Variants in ZFP64 observed in about 807,000 individuals in gnomAD.
ZFP64 encodes ZFP64 zinc finger protein.
A neutral mutation model predicts 51.6 loss-of-function variants in ZFP64; 14 were observed. That is an observed-to-expected ratio of 0.27 (90% CI 0.18 to 0.42). The LOEUF is 0.42. ZFP64 is among the 10% of genes least tolerant of loss of function. The pLI is 1.00. For synonymous variants in ZFP64, 375 were observed against 361.4 expected (o/e 1.04, Z -0.43); for missense variants, 754 against 906.8 (o/e 0.83, Z 2.16).
chr20:52,097,790 T>C (rs536185899), intron 6 of ZFP64, among the ~76,000 whole-genome samples: 116 of 152,176 alleles, frequency 7.6e-4, no homozygotes, highest in Admixed American at 5.9e-3. Flanking sequence ...AGAACCTCAG[T>C]TGAGTGTGGT....
chr20:52,160,303 G>A lies in ZFP64; in HGVS notation c.583C>T (p.Arg195Trp), dbSNP rs775076590. The A allele has an allele frequency of 7.4e-6, 12 of 1,614,082 alleles. No homozygotes were observed. The highest frequency in any genetic ancestry group is 2.7e-5 in the African/African-American group (2 of 74,926). The change falls in exon 5 of 6, where the codon CGG (arginine) becomes TGG (tryptophan). Residue 195 changes from arginine (R) to tryptophan (W), a missense_variant. Around this residue, in one of 3 missense-constraint regions of ZFP64, gnomAD observed 231 missense variants for 336.7 expected, o/e 0.69. Coordinates refer to ENST00000216923, the MANE Select transcript of ZFP64 (RefSeq NM_018197.3). The surrounding 1 kb of genome is among the most constrained non-coding windows in gnomAD (Gnocchi z 4.2). The stretch of plus-strand genomic sequence containing the variant: ...TAGGGCTTCACGCCCGTGTGGCACC[G>A]CATGTGAGTTTTCAGCTTGTCTTTC... ...SRKDKLKTHM[R>W]CHTGVKPYKC... is the part of the protein sequence containing the mutation.
intron 2 of ZFP64, among the ~76,000 whole-genome samples, chr20:52,172,039 G>A (rs529776877): frequency 1.3e-5 from 2 of 152,146 alleles, no homozygotes; most frequent in Non-Finnish European, 2.9e-5. Flanking sequence ...GAGCCACCGC[G>A]CCCGACCAAC....
intron 5 of ZFP64, among the ~76,000 whole-genome samples, chr20:52,104,295 G>A (rs565594181): frequency 1.3e-5 from 2 of 152,296 alleles, no homozygotes; most frequent in African/African-American, 4.8e-5. Context: ...AGCGAGAAAA[G>A]GTCCCCTCCC....
intron 5 of ZFP64, among the ~76,000 whole-genome samples, chr20:52,158,112 T>A (rs1378476422): frequency 3.3e-5 from 5 of 152,238 alleles, no homozygotes; most frequent in Non-Finnish European, 5.9e-5. Flanking sequence ...CTATTGTGAA[T>A]ACTGCTGCAA....
chr20:52,161,004 G>A (rs1339020710), intron 4 of ZFP64, among the ~76,000 whole-genome samples: 1 of 151,982 alleles, frequency 6.6e-6, no homozygotes, highest in Non-Finnish European at 1.5e-5. Flanking sequence ...GAGTGAGCAG[G>A]TGAGGGCAGG....
In ZFP64 at chr20:52,120,098, C is replaced by T. The variant is rs143731045; in HGVS notation, c.764-21511G>A. ...CCCTTATAAAAGAGGCATCAGAGAG[C>T]TGCCTTCCCCTTCCACCATGTGTGG... is the stretch of plus-strand genomic sequence containing the variant. On this transcript the variant is annotated intron_variant, in intron 5 of 8. Coordinates refer to the ZFP64 transcript ENST00000361387. 6.0e-4 allele frequency among the ~76,000 whole-genome samples: 92 copies of T among 152,244 alleles called. 1 individual carries two copies. Among genetic ancestry groups the T allele is most frequent in the African/African-American group, 2.1e-3 (87 of 41,560 alleles).
At chr20:52,084,518 G>A in exon 9 of ZFP64, 3 of 1,575,584 alleles carry the variant, frequency 1.9e-6, no homozygotes, top group Non-Finnish European at 2.6e-6. Flanking sequence ...AACAGCACTG[G>A]TCAGAAGTTC....
At chr20:52,097,952 C>G (rs917594414) in intron 6 of ZFP64, among the ~76,000 whole-genome samples, 1 of 151,898 alleles carries the variant, frequency 6.6e-6, no homozygotes, top group Non-Finnish European at 1.5e-5. Context: ...CCTGTAGTCC[C>G]AACTACTCAG....
At chr20:52,169,841 G>T (rs1340113589) in intron 2 of ZFP64, among the ~76,000 whole-genome samples, 1 of 152,098 alleles carries the variant, frequency 6.6e-6, no homozygotes, top group Admixed American at 6.5e-5. Flanking sequence ...ATCACCCGAG[G>T]TCGGGAGTTT....
chr20:52,112,675 C>T (rs948465437), intron 5 of ZFP64, among the ~76,000 whole-genome samples: 5 of 150,902 alleles, frequency 3.3e-5, no homozygotes, highest in African/African-American at 9.7e-5. Flanking sequence ...AGTGCAGTGG[C>T]GTGATGTTGG....
chr20:52,097,396 T>G, exon 7 of ZFP64: 1 of 1,612,420 alleles, frequency 6.2e-7, no homozygotes, highest in Non-Finnish European at 8.5e-7. Flanking sequence ...GAGATGGCGG[T>G]CCAAGTCTTT....
chr20:52,092,595 A>G (rs959900979), intron 7 of ZFP64, among the ~76,000 whole-genome samples: 2 of 152,224 alleles, frequency 1.3e-5, no homozygotes, highest in Non-Finnish European at 2.9e-5. Flanking sequence ...CACACCTGCA[A>G]TCCCAACACT....
At chr20:52,105,343 C>T (rs558351508) in intron 5 of ZFP64, 6 of 1,246,640 alleles carry the variant, frequency 4.8e-6, no homozygotes, top group South Asian at 3.7e-5. Context: ...GCGCATGTCC[C>T]GGCAATTCTG....
intron 5 of ZFP64, among the ~76,000 whole-genome samples, chr20:52,113,592 C>CTTT (rs61331317): frequency 0.33 from 41,381 of 126,358 alleles, 7,712 homozygotes; most frequent in Non-Finnish European, 0.41. Context: ...CCATACCTGG[C>CTTT]TTTTTTTTTT....
At chr20:52,093,745 ACT>A (rs1406341433) in intron 7 of ZFP64, among the ~76,000 whole-genome samples, 1 of 152,114 alleles carries the variant, frequency 6.6e-6, no homozygotes, top group Non-Finnish European at 1.5e-5. Flanking sequence ...CTTCTCTGGG[ACT>A]ACTGTGCATA....
intron 5 of ZFP64, chr20:52,104,925 G>A (rs891590720): frequency 3.0e-6 from 2 of 670,686 alleles, no homozygotes; most frequent in Non-Finnish European, 5.2e-6. Flanking sequence ...GAGGAATCCA[G>A]GCGGGGAAGG....
Position 52,151,393 on chromosome 20 carries a change from A to C in ZFP64, c.*753T>G. On this transcript the variant is annotated 3_prime_UTR_variant, in exon 6 of 6. Coordinates refer to ENST00000216923, the MANE Select transcript of ZFP64 (RefSeq NM_018197.3). ...CATATTATGTAGAAAATGGTCCTTC[A>C]TGCCAACAGACTTACATGTATAAAA... The C allele has an allele frequency of 1.0e-6, 1 of 985,376 alleles. No individual in the cohort carries two copies. Among genetic ancestry groups the C allele is most frequent in the Non-Finnish European group, 1.2e-6 (1 of 829,918 alleles). 61.0% of individuals were successfully genotyped at this position (985,376 alleles called of 1,614,324 possible).
chr20:52,094,754 T>C (rs2078968240), intron 7 of ZFP64, among the ~76,000 whole-genome samples: 1 of 151,496 alleles, frequency 6.6e-6, no homozygotes, highest in South Asian at 2.1e-4. Context: ...AATAAATAAA[T>C]AAATAAATAA....
intron 5 of ZFP64, chr20:52,104,968 A>C: frequency 2.5e-6 from 2 of 810,450 alleles, no homozygotes; most frequent in Non-Finnish European, 3.8e-6. Flanking sequence ...GTAATTTACA[A>C]AGGCGGGGGG....
Sources: allele counts gnomAD v4.1 joint callset (sites outside exome capture counted in the v4.1 genomes callset), GRCh38; gene constraint gnomAD v4.1.1; regional missense constraint gnomAD v4.1.1; non-coding constraint Gnocchi (gnomAD v3.1); transcripts MANE v1.5; gene names NCBI Gene and HGNC (gene_info 2026-07-23, HGNC 2026-07-21).